The following RPS6KA2 variants were observed in gnomAD, a reference collection of about 807,000 sequenced individuals.
RPS6KA2 encodes ribosomal protein S6 kinase A2.
Under a neutral mutation model 91.8 loss-of-function variants are expected in RPS6KA2, and 42 were observed. The observed-to-expected ratio is 0.46, with a 90% CI of 0.36 to 0.59. RPS6KA2 has a LOEUF of 0.59. Ranked by LOEUF, RPS6KA2 falls within the 20% of genes least tolerant of loss-of-function variation. The pLI is 0.00. For missense variants in RPS6KA2, 798 were observed against 978.5 expected, an observed-to-expected ratio of 0.82 and a Z score of 2.46; for synonymous variants, 414 against 393.6, an observed-to-expected ratio of 1.05 and a Z score of -0.61.
chr6:166,543,487 G>T (rs1783725143), intron 1 of RPS6KA2, among the ~76,000 whole-genome samples: 3 of 152,118 alleles, frequency 2.0e-5, no homozygotes. Flanking sequence ...AAATCGAGTG[G>T]CTAAATTTCC....
intron 2 of RPS6KA2, among the ~76,000 whole-genome samples, chr6:166,652,477 A>C (rs746245705): frequency 1.6e-3 from 247 of 152,268 alleles, no homozygotes; most frequent in Non-Finnish European, 3.0e-3. Context: ...AACTTAGGAA[A>C]AACCACATGG....
intron 3 of RPS6KA2, among the ~76,000 whole-genome samples, chr6:166,523,306 T>C (rs1461452148): frequency 6.6e-6 from 1 of 152,208 alleles, no homozygotes; most frequent in Non-Finnish European, 1.5e-5. Context: ...TTTGTCATCT[T>C]ATGCAATTAA....
intron 1 of RPS6KA2, among the ~76,000 whole-genome samples, chr6:166,620,715 G>T (rs141133407): frequency 1.4e-4 from 22 of 152,366 alleles, no homozygotes; most frequent in African/African-American, 4.3e-4. Context: ...CAACACCACG[G>T]ATGCCAAGTG....
chr6:166,487,918 A>G (rs1465838031), intron 10 of RPS6KA2, among the ~76,000 whole-genome samples: 2 of 152,198 alleles, frequency 1.3e-5, no homozygotes, highest in East Asian at 3.9e-4. Flanking sequence ...AATGAATGCA[A>G]AAGTTCCCTG....
chr6:166,730,388 C>A (rs557284379), intron 2 of RPS6KA2, among the ~76,000 whole-genome samples: 1 of 147,702 alleles, frequency 6.8e-6, no homozygotes, highest in Non-Finnish European at 1.5e-5. Context: ...AATATGTCAT[C>A]AGTCATAATT....
intron 2 of RPS6KA2, among the ~76,000 whole-genome samples, chr6:166,672,720 C>T (rs529035660): frequency 6.6e-6 from 1 of 152,242 alleles, no homozygotes; most frequent in Non-Finnish European, 1.5e-5. Flanking sequence ...GGGGCCGGCT[C>T]ACCGGATGAG....
chr6:166,586,663 C>T (rs900925879), intron 1 of RPS6KA2, among the ~76,000 whole-genome samples: 2 of 124,524 alleles, frequency 1.6e-5, no homozygotes, highest in East Asian at 1.9e-4. Context: ...CCAATGTAAC[C>T]GAGCGCCTTC....
At chr6:166,548,572 A>G (rs1385132943) in intron 1 of RPS6KA2, among the ~76,000 whole-genome samples, 2 of 152,232 alleles carry the variant, frequency 1.3e-5, no homozygotes, top group Non-Finnish European at 2.9e-5. Context: ...TGGAAAAGCA[A>G]TTCAATAGAG....
rs1458537861 is a variant in RPS6KA2 at position 166,515,150 on chromosome 6, A to AC, written c.299-4794dup. Among the ~76,000 whole-genome samples, 5 of 152,300 alleles carry AC rather than the reference A, an allele frequency of 3.3e-5. No homozygotes were observed. In the East Asian group the frequency reaches 5.8e-4, roughly 18 times the overall value. On this transcript the variant is annotated intron_variant, in intron 3 of 20. Coordinates refer to ENST00000265678, the MANE Select transcript of RPS6KA2 (RefSeq NM_021135.6). ...GAGAGGATGCACCATGATGTGGTCC[A>AC]CAGTGGGAAGACCTGGAGGAGACAG...
At chr6:166,463,914 A>G (rs1032719205) in intron 11 of RPS6KA2, among the ~76,000 whole-genome samples, 1 of 152,156 alleles carries the variant, frequency 6.6e-6, no homozygotes, top group Non-Finnish European at 1.5e-5. Context: ...CCTGCAGTTT[A>G]CCCGGCTGTA....
intron 11 of RPS6KA2, among the ~76,000 whole-genome samples, 195 bp downstream of exon 11, chr6:166,469,646 C>A (rs557304924): frequency 6.6e-6 from 1 of 152,158 alleles, no homozygotes; most frequent in South Asian, 2.1e-4. Flanking sequence ...GGGGCACTCA[C>A]GTGTCTGTGC....
Position 166,648,085 on chromosome 6 carries a change from T to TAC in RPS6KA2, c.124-109303_124-109302dup, listed in dbSNP as rs148131554. Among the ~76,000 whole-genome samples the TAC allele has an allele frequency of 1.9e-4, 25 of 130,446 alleles. No homozygotes were observed. The highest frequency in any genetic ancestry group is 3.5e-4 in the Non-Finnish European group (22 of 62,104). The allele number at this position is 130,446 out of a possible 152,430, so 85.6% of individuals were successfully genotyped here. On this transcript the variant is annotated intron_variant, in intron 2 of 21. Coordinates refer to the RPS6KA2 transcript ENST00000503859. The surrounding 1 kb of genome is among the most constrained non-coding windows in gnomAD (Gnocchi z 4.8). ...ACACACATGCACACGCACATGGTCA[T>TAC]ACACACACGCTCATACACACACGTG...
chr6:166,652,515 G>A (rs1787883338), intron 2 of RPS6KA2, among the ~76,000 whole-genome samples: 1 of 152,158 alleles, frequency 6.6e-6, no homozygotes, highest in African/African-American at 2.4e-5. Flanking sequence ...GCGCAACCAT[G>A]AACTGGACAC....
At chr6:166,646,137 C>CG in intron 2 of RPS6KA2, among the ~76,000 whole-genome samples, 1 of 152,274 alleles carries the variant, frequency 6.6e-6, no homozygotes, top group East Asian at 1.9e-4. Flanking sequence ...ACCCATGACC[C>CG]AGGGGTGGCT....
At chr6:166,750,296 G>C (rs997211008) in intron 2 of RPS6KA2, among the ~76,000 whole-genome samples, 5 of 152,126 alleles carry the variant, frequency 3.3e-5, no homozygotes, top group African/African-American at 1.2e-4. Flanking sequence ...ACCAGCCCAG[G>C]GCCCCACCCC....
intron 2 of RPS6KA2, among the ~76,000 whole-genome samples, chr6:166,804,276 T>C (rs1486788357): frequency 1.3e-5 from 2 of 151,800 alleles, no homozygotes; most frequent in Admixed American, 1.3e-4. Context: ...ATGAGAGGTG[T>C]AGGCATTATA....
intron 1 of RPS6KA2, among the ~76,000 whole-genome samples, chr6:166,596,024 T>C (rs1415472228): frequency 2.0e-5 from 3 of 152,242 alleles, no homozygotes; most frequent in African/African-American, 7.2e-5. Context: ...GAGTCATTGG[T>C]ATCTTATCTC....
intron 2 of RPS6KA2, among the ~76,000 whole-genome samples, chr6:166,705,929 A>T (rs1789668803): frequency 6.6e-6 from 1 of 152,136 alleles, no homozygotes; most frequent in Non-Finnish European, 1.5e-5. Context: ...AGCCCTCATG[A>T]ATGGGATTAT....
Position 166,603,096 on chromosome 6 carries a change from A to G in RPS6KA2, c.99+23825T>C, listed in dbSNP as rs1032902319. Among the ~76,000 whole-genome samples the G allele has an allele frequency of 6.6e-6, 1 of 152,238 alleles. No homozygotes were observed. The highest frequency in any genetic ancestry group is 2.4e-5 in the African/African-American group (1 of 41,468). On this transcript the variant is annotated intron_variant, in intron 1 of 20. Coordinates refer to ENST00000265678, the MANE Select transcript of RPS6KA2 (RefSeq NM_021135.6). This position sits in a 1 kb window ranked among gnomAD's most constrained non-coding sequence, Gnocchi z 4.3. ...TTTGGAAATGTAAACATTCACTTAC[A>G]TCTGCATCTGTTAAGTGTTAAGTTC... is the stretch of plus-strand genomic sequence containing the variant.
Sources: allele counts gnomAD v4.1 joint callset (sites outside exome capture counted in the v4.1 genomes callset), GRCh38; gene constraint gnomAD v4.1.1; non-coding constraint Gnocchi (gnomAD v3.1); transcripts MANE v1.5; gene names NCBI Gene and HGNC (gene_info 2026-07-23, HGNC 2026-07-21).